The following INPP4B variants were observed in gnomAD, a reference collection of about 807,000 sequenced individuals.
INPP4B encodes the protein inositol polyphosphate-4-phosphatase type II B.
INPP4B carries 55 observed loss-of-function variants against 122.5 expected under a neutral mutation model. The observed-to-expected ratio is 0.45, with a 90% CI of 0.36 to 0.56. The LOEUF is 0.56. Among genes scored for constraint, INPP4B ranks in the 20% least tolerant of loss-of-function variants. The pLI is 0.00. For missense variants in INPP4B, 1,000 were observed against 1,097.7 expected (o/e 0.91, Z 1.26); for synonymous variants, 403 against 388.7 (o/e 1.04, Z -0.43).
chr4:142,514,562 T>C (rs1382647272), intron 2 of INPP4B: 2 of 152,294 alleles, frequency 1.3e-5, no homozygotes, highest in East Asian at 3.9e-4. Context: ...ATAATGCATT[T>C]AGCGCTGTAG....
chr4:142,541,916 CACT>C lies in INPP4B; in HGVS notation c.-190-79193_-190-79191del, dbSNP rs1276165194. Among the ~76,000 whole-genome samples the C allele has an allele frequency of 2.0e-5, 3 of 152,294 alleles. No homozygotes were observed. In the East Asian group the frequency reaches 5.8e-4, roughly 29 times the overall value. On this transcript the variant is annotated intron_variant, in intron 2 of 25. Transcript: ENST00000262992. Reference sequence around the variant, plus strand: ...AGCTCGTGAAGATCACGATGGCCACCACTACCCACCACCCACTAGCTTCTCCCG... The same window carrying C: ...AGCTCGTGAAGATCACGATGGCCACCACCCACCACCCACTAGCTTCTCCCG...
intron 2 of INPP4B, among the ~76,000 whole-genome samples, chr4:142,631,512 A>T (rs113293799): frequency 5.3e-5 from 8 of 152,226 alleles, no homozygotes; most frequent in African/African-American, 1.4e-4. Context: ...GAAAAGGATA[A>T]TTGCATTATT....
chr4:142,517,095 C>A (rs1258332322), intron 2 of INPP4B, among the ~76,000 whole-genome samples: 1 of 151,846 alleles, frequency 6.6e-6, no homozygotes, highest in African/African-American at 2.4e-5. Context: ...TGCAGCATAA[C>A]CTTCACAATT....
chr4:142,486,249 C>G (rs934628261), intron 2 of INPP4B, among the ~76,000 whole-genome samples: 9 of 152,158 alleles, frequency 5.9e-5, no homozygotes, highest in African/African-American at 1.9e-4. Flanking sequence ...TCTACTCCCA[C>G]TAGCAAAGTA....
At chr4:142,140,405 A>G (rs1807159756) in intron 18 of INPP4B, among the ~76,000 whole-genome samples, 1 of 152,224 alleles carries the variant, frequency 6.6e-6, no homozygotes, top group African/African-American at 2.4e-5. Flanking sequence ...GTGAACATAG[A>G]GCTGGTTGAA....
intron 2 of INPP4B, among the ~76,000 whole-genome samples, chr4:142,496,161 T>A (rs1383744601): frequency 6.6e-6 from 1 of 152,160 alleles, no homozygotes; most frequent in Non-Finnish European, 1.5e-5. Context: ...TGTTTTTAAT[T>A]TTTTATAAGT....
intron 2 of INPP4B, among the ~76,000 whole-genome samples, chr4:142,655,594 G>A (rs1430265579): frequency 6.6e-6 from 1 of 152,140 alleles, no homozygotes; most frequent in Non-Finnish European, 1.5e-5. Context: ...TAACGAGCAT[G>A]AGTCTACGAT....
intron 25 of INPP4B, among the ~76,000 whole-genome samples, chr4:142,065,023 G>A (rs551208970): frequency 6.6e-6 from 1 of 152,260 alleles, no homozygotes; most frequent in South Asian, 2.1e-4. Context: ...GCTGCTAAGA[G>A]TAAATTTAGG....
chr4:142,325,104 T>C (rs1249952006), intron 7 of INPP4B, among the ~76,000 whole-genome samples: 2 of 152,162 alleles, frequency 1.3e-5, no homozygotes, highest in East Asian at 3.9e-4. Context: ...CTCTGATAGC[T>C]TAACGGTGCT....
intron 7 of INPP4B, among the ~76,000 whole-genome samples, chr4:142,387,885 C>T (rs1796464838): frequency 6.6e-6 from 1 of 152,138 alleles, no homozygotes; most frequent in Admixed American, 6.6e-5. Context: ...ACTGGTCAGT[C>T]ATGTCCTTGG....
At chr4:142,331,496 T>A (rs1215100864) in intron 7 of INPP4B, among the ~76,000 whole-genome samples, 1 of 152,128 alleles carries the variant, frequency 6.6e-6, no homozygotes, top group Non-Finnish European at 1.5e-5. Flanking sequence ...TTGCAATCAA[T>A]AGTATGAAAA....
chr4:142,461,754 C>T (rs1433638443), intron 3 of INPP4B, among the ~76,000 whole-genome samples: 1 of 151,960 alleles, frequency 6.6e-6, no homozygotes, highest in East Asian at 1.9e-4. Context: ...CCAATATAAT[C>T]CTTATAATCC....
chr4:142,410,051 G>A (rs1804273681), intron 5 of INPP4B, among the ~76,000 whole-genome samples: 1 of 152,174 alleles, frequency 6.6e-6, no homozygotes, highest in South Asian at 2.1e-4. Context: ...GAAGGCTATT[G>A]AGTCCATGAT....
intron 2 of INPP4B, among the ~76,000 whole-genome samples, chr4:142,663,258 A>G (rs1755508952): frequency 1.3e-5 from 2 of 152,192 alleles, no homozygotes; most frequent in African/African-American, 4.8e-5. Flanking sequence ...TCACGTCAGA[A>G]AAAAAGTTAC....
intron 2 of INPP4B, among the ~76,000 whole-genome samples, chr4:142,714,304 T>C (rs967627732): frequency 6.6e-6 from 1 of 152,210 alleles, no homozygotes; most frequent in Admixed American, 6.6e-5. Flanking sequence ...ACTGTCATTG[T>C]ACCAGGCATC....
rs370999874 is a variant in INPP4B, at chr4:142,237,200, C to G, written c.836+664G>C. 3.9e-5 allele frequency among the ~76,000 whole-genome samples: 6 copies of G among 152,156 alleles called. No homozygotes were observed. In the East Asian group the frequency reaches 1.2e-3, roughly 29 times the overall value. On this transcript the variant is annotated intron_variant, in intron 12 of 25. Coordinates refer to ENST00000262992, the MANE Select transcript of INPP4B (RefSeq NM_001101669.3). The stretch of plus-strand genomic sequence containing the variant: ...TAGACTAATAAATTTCTGAAAGTCT[C>G]GCTACAAATGAGAAGTCCAAAGGAG...
intron 9 of INPP4B, among the ~76,000 whole-genome samples, chr4:142,291,012 C>T (rs988733023): frequency 2.0e-5 from 3 of 152,106 alleles, no homozygotes; most frequent in African/African-American, 4.8e-5. Context: ...GAGATACAGT[C>T]TGCTCTTAGA....
chr4:142,185,867 A>G (rs1203236040), intron 15 of INPP4B, among the ~76,000 whole-genome samples: 2 of 132,980 alleles, frequency 1.5e-5, no homozygotes, highest in African/African-American at 5.8e-5. Context: ...CGACAGAGCA[A>G]GACACCATCT....
At chr4:142,705,998 G>GTGAC (rs1446148331) in intron 2 of INPP4B, among the ~76,000 whole-genome samples, 1 of 152,156 alleles carries the variant, frequency 6.6e-6, no homozygotes, top group African/African-American at 2.4e-5. Context: ...ATCCATTAAG[G>GTGAC]TGACTCACCA....
Sources: gnomAD v4.1 joint callset for allele counts (sites outside exome capture counted in the v4.1 genomes callset) on GRCh38, gnomAD v4.1.1 for gene constraint, MANE v1.5 for transcripts, NCBI Gene and HGNC (gene_info 2026-07-23, HGNC 2026-07-21) for gene names.